Variants in BTBD7 observed in about 807,000 individuals in gnomAD.
BTBD7 encodes the protein BTB domain containing 7.
Under a neutral mutation model 99.9 loss-of-function variants are expected in BTBD7, and 38 were observed. The ratio of observed to expected loss-of-function variants is 0.38; its 90% confidence interval spans 0.29 to 0.50. The LOEUF (loss-of-function observed/expected upper bound fraction) is 0.50. Ranked by LOEUF, BTBD7 falls within the 20% of genes least tolerant of loss-of-function variation. The pLI is 0.93. For missense variants in BTBD7, 1,170 were observed against 1,394.6 expected (o/e 0.84, Z 2.57); for synonymous variants, 520 against 511.4 (o/e 1.02, Z -0.23).
intron 1 of BTBD7, among the ~76,000 whole-genome samples, chr14:93,330,158 G>C (rs988481572): frequency 6.6e-6 from 1 of 152,072 alleles, no homozygotes; most frequent in African/African-American, 2.4e-5. Context: ...ATTAATCCCT[G>C]GCCTCCAAAC....
chr14:93,317,130 C>T (rs982555553), intron 1 of BTBD7, among the ~76,000 whole-genome samples: 8 of 152,112 alleles, frequency 5.3e-5, no homozygotes, highest in Admixed American at 2.6e-4. Flanking sequence ...CTCAGCCTCC[C>T]GAGCGGCTAA....
chr14:93,287,450 T>C (rs1475546722), intron 3 of BTBD7, among the ~76,000 whole-genome samples: 1 of 146,270 alleles, frequency 6.8e-6, no homozygotes, highest in Non-Finnish European at 1.5e-5. Context: ...AATCAATATT[T>C]AGTGTTTATA....
Position 93,295,247 on chromosome 14 carries a change from A to C in BTBD7, c.83-310T>G, listed in dbSNP as rs117946882. Among the ~76,000 whole-genome samples, 23 of 152,232 alleles carry C rather than the reference A, an allele frequency of 1.5e-4. No individual in the cohort carries two copies. In the East Asian group the frequency reaches 2.3e-3, roughly 15 times the overall value. On this transcript the variant is annotated intron_variant, in intron 2 of 10. Coordinates refer to ENST00000334746, the MANE Select transcript of BTBD7 (RefSeq NM_001002860.4). ...AACCTCAGCTTCCCAAGTAGCTGGGAGTATAGGCATGTGCCACCATGCCTG... is the reference window on the plus strand; with the variant it reads ...AACCTCAGCTTCCCAAGTAGCTGGGCGTATAGGCATGTGCCACCATGCCTG...
chr14:93,283,859 T>C (rs184352885), intron 3 of BTBD7, among the ~76,000 whole-genome samples: 4 of 152,302 alleles, frequency 2.6e-5, no homozygotes, highest in Admixed American at 6.5e-5. Context: ...GCCAATACAA[T>C]GTCTTTTAAG....
At chr14:93,281,800 AC>A (rs1410780685) in intron 3 of BTBD7, among the ~76,000 whole-genome samples, 3 of 152,220 alleles carry the variant, frequency 2.0e-5, no homozygotes, top group African/African-American at 7.2e-5. Context: ...AGACAAAAAT[AC>A]ACTTTCTGAT....
rs1480700305 is a variant in BTBD7, at chr14:93,248,662, G to C, written c.1943-8C>G. 6.3e-7 allele frequency: 1 copy of C among 1,590,026 alleles called. No homozygotes were observed. The highest frequency in any genetic ancestry group is 8.6e-7 in the Non-Finnish European group (1 of 1,169,382). ...TAATGAGGAGACGAGGAACTGGAAG[G>C]AGAACAACAGTGGGCAAGCAAAATT... On this transcript the variant is annotated splice_polypyrimidine_tract_variant and splice_region_variant and intron_variant, in intron 8 of 10. Coordinates refer to ENST00000334746, the MANE Select transcript of BTBD7 (RefSeq NM_001002860.4).
intron 3 of BTBD7, among the ~76,000 whole-genome samples, chr14:93,276,464 TG>T (rs1249029454): frequency 6.6e-6 from 1 of 152,102 alleles, no homozygotes; most frequent in Admixed American, 6.5e-5. Flanking sequence ...CAGAATACCA[TG>T]TTGAATTCTG....
chr14:93,319,757 T>C (rs1175610266), intron 1 of BTBD7, among the ~76,000 whole-genome samples: 3 of 152,272 alleles, frequency 2.0e-5, no homozygotes, highest in East Asian at 3.9e-4. Context: ...TCAACAATAA[T>C]GTATTGTATA....
chr14:93,253,677 T>C lies in BTBD7; in HGVS notation c.1722A>G (p.Arg574=). Residue 574 remains arginine (R), a synonymous_variant, in exon 7 of 11, where the codon CGA becomes CGG. Coordinates refer to ENST00000334746, the MANE Select transcript of BTBD7 (RefSeq NM_001002860.4). The part of the protein sequence containing the change: ...QKNAGIYVRP[R]LFSPYVEEAK... Reference sequence around the variant, plus strand: ...CTTCTTCCACATAGGGAGAGAAGAGTCGAGGACGAACATAGATGCCAGCAT... The same window carrying C: ...CTTCTTCCACATAGGGAGAGAAGAGCCGAGGACGAACATAGATGCCAGCAT... The C allele has an allele frequency of 6.2e-7, 1 of 1,611,312 alleles. No homozygotes were observed. Among genetic ancestry groups the C allele is most frequent in the South Asian group, 1.1e-5 (1 of 90,834 alleles).
intron 1 of BTBD7, among the ~76,000 whole-genome samples, chr14:93,322,725 T>C (rs1317731912): frequency 1.3e-5 from 2 of 152,230 alleles, no homozygotes; most frequent in African/African-American, 4.8e-5. Flanking sequence ...CAAGAAGGTT[T>C]TTCTTCATAG....
In BTBD7 at chr14:93,262,324, A is replaced by G. The variant is rs2052498282; in HGVS notation, c.1372-647T>C. Among the ~76,000 whole-genome samples the G allele has an allele frequency of 2.0e-5, 3 of 152,016 alleles. No homozygotes were observed. The South Asian group carries it at 6.2e-4, about 32-fold the overall frequency. On this transcript the variant is annotated intron_variant, in intron 4 of 10. Transcript: ENST00000334746. ...ATTTTTTTGTATTTTTAGTAGAGAC[A>G]GGGTTTTACCTTGTTAGTCAGGATG...
Position 93,241,959 on chromosome 14 carries a change from G to C in BTBD7, c.*314C>G, listed in dbSNP as rs1407302762. On this transcript the variant is annotated 3_prime_UTR_variant, in exon 11 of 11. Coordinates refer to ENST00000334746, the MANE Select transcript of BTBD7 (RefSeq NM_001002860.4). ...CATACTGATATAAAATCAATACAGAGAAAATAAATGTACAAGTGCAAAAAA... is the reference window on the plus strand; with the variant it reads ...CATACTGATATAAAATCAATACAGACAAAATAAATGTACAAGTGCAAAAAA... The C allele has an allele frequency of 1.0e-5, 4 of 395,800 alleles. No homozygotes were observed. The highest frequency in any genetic ancestry group is 2.0e-5 in the African/African-American group (1 of 49,140). 24.5% of individuals were successfully genotyped at this position (395,800 alleles called of 1,614,324 possible).
chr14:93,331,545 C>T lies in BTBD7; in HGVS notation c.-107+1275G>A, dbSNP rs182388537. 3.0e-3 allele frequency among the ~76,000 whole-genome samples: 452 copies of T among 152,292 alleles called. 1 individual carries two copies. The highest frequency in any genetic ancestry group is 5.0e-3 in the Non-Finnish European group (338 of 68,018). ...ATTTCAGGAAGAAAGCAATTCATTT[C>T]AGCAATCTAAAGGAAACAGATGCTA... On this transcript the variant is annotated intron_variant, in intron 1 of 10. Coordinates refer to ENST00000334746, the MANE Select transcript of BTBD7 (RefSeq NM_001002860.4).
rs150462199 is a variant in BTBD7 at position 93,238,256 on chromosome 14, G to GA, written c.*4016dup. ...TTGACAGTCTGAGGATTTTCTAGAGGAAAAAAAAATCAAAGGACTTGCCAA... is the reference window on the plus strand; with the variant it reads ...TTGACAGTCTGAGGATTTTCTAGAGGAAAAAAAAAATCAAAGGACTTGCCAA... On this transcript the variant is annotated 3_prime_UTR_variant, in exon 11 of 11. Transcript: ENST00000334746. 0.025 allele frequency: 3,716 copies of GA among 151,616 alleles called. 61 individuals are homozygous for GA. The highest frequency in any genetic ancestry group is 0.078 in the South Asian group (372 of 4,782). 9.4% of individuals were successfully genotyped at this position (151,616 alleles called of 1,614,324 possible).
intron 1 of BTBD7, among the ~76,000 whole-genome samples, chr14:93,323,365 CCCTT>C (rs1366709384): frequency 2.3e-4 from 35 of 152,240 alleles, no homozygotes; most frequent in East Asian, 5.8e-4. Flanking sequence ...CATCCTTCCT[CCCTT>C]ATCAGACATT....
chr14:93,245,379 A>C (rs906995480), intron 10 of BTBD7, among the ~76,000 whole-genome samples: 1 of 152,144 alleles, frequency 6.6e-6, no homozygotes, highest in African/African-American at 2.4e-5. Flanking sequence ...AGTTTTTTCC[A>C]CATTATTCCT....
chr14:93,324,195 T>C (rs556175205), intron 1 of BTBD7, among the ~76,000 whole-genome samples: 16 of 152,162 alleles, frequency 1.1e-4, no homozygotes, highest in Admixed American at 3.3e-4. Context: ...TCCCAACACT[T>C]TGGGAGACTG....
chr14:93,317,523 T>G (rs1486355407), intron 1 of BTBD7, among the ~76,000 whole-genome samples: 2 of 152,054 alleles, frequency 1.3e-5, no homozygotes, highest in Non-Finnish European at 2.9e-5. Flanking sequence ...CTTGATACAT[T>G]AGGAAAGAAA....
At chr14:93,309,124 C>A (rs1487867218) in intron 1 of BTBD7, among the ~76,000 whole-genome samples, 1 of 152,098 alleles carries the variant, frequency 6.6e-6, no homozygotes, top group East Asian at 1.9e-4. Flanking sequence ...CTTTTAATGA[C>A]TGGAGTGGGA....
Sources: allele counts gnomAD v4.1 joint callset (sites outside exome capture counted in the v4.1 genomes callset), GRCh38; gene constraint gnomAD v4.1.1; transcripts MANE v1.5; gene names NCBI Gene and HGNC (gene_info 2026-07-23, HGNC 2026-07-21).